The following WDR25 variants were observed in gnomAD, a reference collection of about 807,000 sequenced individuals.
WDR25 encodes WD repeat domain 25.
A neutral mutation model predicts 47.7 loss-of-function variants in WDR25; 35 were observed. The ratio of observed to expected loss-of-function variants is 0.73; its 90% confidence interval spans 0.56 to 0.97. The LOEUF is 0.97. Ranked by LOEUF, WDR25 falls within the 50% of genes least tolerant of loss-of-function variation. WDR25 has a pLI of 0.00. For missense variants in WDR25, 634 were observed against 704.7 expected (o/e 0.90, Z 1.14); for synonymous variants, 248 against 278.9 (o/e 0.89, Z 1.10).
chr14:100,423,863 T>C (rs746037913), intron 2 of WDR25, among the ~76,000 whole-genome samples: 2 of 152,174 alleles, frequency 1.3e-5, no homozygotes, highest in Non-Finnish European at 2.9e-5. Context: ...CATCTACATC[T>C]TGAGGGGCTA....
At chr14:100,518,241 T>C (rs1901573901) in intron 4 of WDR25, among the ~76,000 whole-genome samples, 2 of 152,214 alleles carry the variant, frequency 1.3e-5, no homozygotes, top group Admixed American at 6.5e-5. Flanking sequence ...CTGAAAGATA[T>C]TTTTGCTGTC....
chr14:100,451,974 CAT>C lies in WDR25; in HGVS notation c.823-16046_823-16045del, dbSNP rs1190613223. 4.6e-5 allele frequency among the ~76,000 whole-genome samples: 7 copies of C among 152,340 alleles called. No homozygotes were observed. In the East Asian group the frequency reaches 9.6e-4, roughly 21 times the overall value. Reference sequence around the variant, plus strand: ...GCTAGGATAGCCATTCTTTTGTCCACATGTTTGTCCATCTGTCCTTCTATCTG... The same window carrying C: ...GCTAGGATAGCCATTCTTTTGTCCACGTTTGTCCATCTGTCCTTCTATCTG... On this transcript the variant is annotated intron_variant, in intron 2 of 6. Coordinates refer to ENST00000402312, the MANE Select transcript of WDR25 (RefSeq NM_001161476.3).
At chr14:100,514,958 A>G (rs1030591827) in intron 4 of WDR25, among the ~76,000 whole-genome samples, 3 of 152,176 alleles carry the variant, frequency 2.0e-5, no homozygotes, top group Non-Finnish European at 2.9e-5. Context: ...TTTGTCTAAA[A>G]GATATTTATG....
Position 100,468,843 on chromosome 14 carries a change from C to T in WDR25, c.970+675C>T, listed in dbSNP as rs1404588886. Among the ~76,000 whole-genome samples the T allele has an allele frequency of 3.3e-5, 5 of 152,182 alleles. No homozygotes were observed. Among genetic ancestry groups the T allele is most frequent in the Non-Finnish European group, 2.9e-5 (2 of 68,028 alleles). On this transcript the variant is annotated intron_variant, in intron 3 of 6. Transcript: ENST00000402312. The surrounding 1 kb of genome is among the most constrained non-coding windows in gnomAD (Gnocchi z 4.5). ...AGTGACAGAGCTGGGATTCGCACCT[C>T]TGCCATCTGCCTCCCAGTCCGAGCT...
chr14:100,383,002 C>T (rs922034702), intron 2 of WDR25, among the ~76,000 whole-genome samples: 3 of 152,238 alleles, frequency 2.0e-5, no homozygotes, highest in African/African-American at 7.2e-5. Flanking sequence ...ACCAACTTTC[C>T]TACATCTTTT....
chr14:100,439,334 G>A (rs748491347), intron 2 of WDR25, among the ~76,000 whole-genome samples: 5 of 152,188 alleles, frequency 3.3e-5, no homozygotes, highest in Non-Finnish European at 7.3e-5. Context: ...TTCAGCCCCC[G>A]GACTCCTGTG....
intron 2 of WDR25, among the ~76,000 whole-genome samples, chr14:100,391,893 A>G (rs532840710): frequency 6.6e-5 from 10 of 152,252 alleles, no homozygotes; most frequent in Admixed American, 6.5e-4. Context: ...GTGTACATGG[A>G]GTTTTCCAGA....
At chr14:100,485,405 C>A (rs913894116) in intron 4 of WDR25, among the ~76,000 whole-genome samples, 2 of 152,206 alleles carry the variant, frequency 1.3e-5, no homozygotes, top group Non-Finnish European at 2.9e-5. Flanking sequence ...CTGCTGACAT[C>A]TAGCTTCTAA....
At chr14:100,510,891 C>T (rs565165295) in intron 4 of WDR25, among the ~76,000 whole-genome samples, 13 of 151,948 alleles carry the variant, frequency 8.6e-5, no homozygotes, top group Admixed American at 2.6e-4. Context: ...GTGTGAGCCA[C>T]TGCACTGGCC....
rs575596932 is a variant in WDR25 at position 100,384,293 on chromosome 14, A to G, written c.822+2547A>G. On this transcript the variant is annotated intron_variant, in intron 2 of 6. Transcript: ENST00000402312. The stretch of plus-strand genomic sequence containing the variant: ...GGGCCAGGGCCCTCTCTGTTTTAAG[A>G]TATTTGTCAGTTTTCAGTGATGGGG... 3.3e-5 allele frequency among the ~76,000 whole-genome samples: 5 copies of G among 152,352 alleles called. No homozygotes were observed. In the South Asian group the frequency reaches 1.0e-3, roughly 32 times the overall value.
chr14:100,423,398 GCCACATAGCACC>G (rs1898080714), intron 2 of WDR25, among the ~76,000 whole-genome samples: 1 of 152,082 alleles, frequency 6.6e-6, no homozygotes, highest in African/African-American at 2.4e-5. Flanking sequence ...TCCTCCTTGG[GCCACATAGCACC>G]CAATTAGTCA....
intron 2 of WDR25, among the ~76,000 whole-genome samples, chr14:100,413,664 CG>C (rs1198209275): frequency 6.6e-6 from 1 of 152,110 alleles, no homozygotes; most frequent in Non-Finnish European, 1.5e-5. Context: ...CCACCCACCT[CG>C]GCCTCCCAAA....
chr14:100,397,307 C>T (rs1342579212), intron 2 of WDR25, among the ~76,000 whole-genome samples: 1 of 152,202 alleles, frequency 6.6e-6, no homozygotes, highest in Non-Finnish European at 1.5e-5. Context: ...GTAACAAAAT[C>T]TGTTTCTTTT....
At chr14:100,493,169 T>G (rs961268008) in intron 4 of WDR25, among the ~76,000 whole-genome samples, 3 of 152,178 alleles carry the variant, frequency 2.0e-5, no homozygotes, top group African/African-American at 7.2e-5. Flanking sequence ...TACAACTCAC[T>G]CATTCACTCA....
intron 2 of WDR25, among the ~76,000 whole-genome samples, chr14:100,391,937 A>G (rs992922143): frequency 2.0e-5 from 3 of 152,230 alleles, no homozygotes; most frequent in Non-Finnish European, 4.4e-5. Context: ...AGTGGATTAA[A>G]TACAGACGCA....
intron 2 of WDR25, among the ~76,000 whole-genome samples, chr14:100,394,739 G>A (rs1273098307): frequency 2.0e-5 from 3 of 152,190 alleles, no homozygotes; most frequent in Admixed American, 6.5e-5. Context: ...CCTCAGGGAA[G>A]GGGAAGGACG....
chr14:100,384,539 C>T (rs1896976130), intron 2 of WDR25, among the ~76,000 whole-genome samples: 2 of 152,134 alleles, frequency 1.3e-5, no homozygotes, highest in Non-Finnish European at 1.5e-5. Flanking sequence ...TCTTTTCCCT[C>T]CTTGGTGTCA....
intron 2 of WDR25, among the ~76,000 whole-genome samples, chr14:100,459,894 GTATATATATATATATATA>G (rs61706956): frequency 0.038 from 2,984 of 78,282 alleles, 189 homozygotes; most frequent in East Asian, 0.12. Context: ...GTGTGTGTGT[GTATATATATATATATATA>G]TATATATATA....
chr14:100,399,352 A>G (rs565838312), intron 2 of WDR25, among the ~76,000 whole-genome samples: 1 of 152,308 alleles, frequency 6.6e-6, no homozygotes, highest in African/African-American at 2.4e-5. Context: ...GTCCCAGCCT[A>G]GGACGTTTCC....
Sources: gnomAD v4.1 joint callset for allele counts (sites outside exome capture counted in the v4.1 genomes callset) on GRCh38, gnomAD v4.1.1 for gene constraint, Gnocchi (gnomAD v3.1) non-coding constraint, MANE v1.5 for transcripts, NCBI Gene and HGNC (gene_info 2026-07-23, HGNC 2026-07-21) for gene names.